Variants in RAB36 observed in about 807,000 individuals in gnomAD.
RAB36 encodes the protein ras-related protein Rab-36.
In RAB36, 33 loss-of-function variants were observed where a neutral mutation model predicts 39.3. That is an observed-to-expected ratio of 0.84 (90% CI 0.64 to 1.12). The LOEUF is 1.12. Ranked by LOEUF, RAB36 falls within the 50% of genes most tolerant of loss-of-function variation. The pLI is 0.00. For synonymous variants in RAB36, 133 were observed against 140.2 expected (o/e 0.95, Z 0.36); for missense variants, 308 against 355.3 (o/e 0.87, Z 1.07).
In RAB36 at chr22:23,158,002, G is replaced by A. The variant is rs746285793; in HGVS notation, c.405G>A (p.Thr135=). Residue 135 remains threonine (T), a synonymous_variant, in exon 7 of 11, where the codon ACG becomes ACA. Transcript: ENST00000263116. ...AYYRGAQVII[T]AFDLTDVQTL... ...TTTCCGGGTGTCTAGTGATCATCAC[G>A]GCCTTTGACCTCACTGACGTGCAGA... 33 of 1,614,032 alleles carry A rather than the reference G, an allele frequency of 2.0e-5. No homozygotes were observed. Among genetic ancestry groups the A allele is most frequent in the Middle Eastern group, 1.6e-4 (1 of 6,084 alleles).
At chr22:23,145,842 G>A (rs992547153) in intron 1 of RAB36, 6 of 400,012 alleles carry the variant, frequency 1.5e-5, no homozygotes, top group Non-Finnish European at 2.0e-5. Flanking sequence ...AGACAGAGGG[G>A]CTGTTGAGGA....
In RAB36 at chr22:23,158,824, C is replaced by G. The variant is rs1010392935; in HGVS notation, c.447-74C>G. The G allele has an allele frequency of 1.3e-5, 18 of 1,360,098 alleles. No individual in the cohort carries two copies. In the African/African-American group the frequency reaches 2.3e-4, roughly 17 times the overall value. 84.3% of individuals were successfully genotyped at this position (1,360,098 alleles called of 1,614,324 possible). A position where few individuals can be genotyped will look rare whatever the true frequency, so the allele number is the denominator to read the frequency against. ...CCAGCACTTCAGCCCTGGGGAGGTC[C>G]CAAGTGTGCCCTCTGCCCCCTGTTT... is the stretch of plus-strand genomic sequence containing the variant. On this transcript the variant is annotated intron_variant, in intron 7 of 10. Coordinates refer to ENST00000263116, the MANE Select transcript of RAB36 (RefSeq NM_004914.5).
chr22:23,153,605 C>T, intron 5 of RAB36: 1 of 985,130 alleles, frequency 1.0e-6, no homozygotes, highest in Non-Finnish European at 1.2e-6. Flanking sequence ...GCACCCACAT[C>T]CTTCCTCAGG....
At chr22:23,146,777 G>C (rs2070803061) in intron 2 of RAB36, 92 bp downstream of exon 2, 1 of 1,516,134 alleles carries the variant, frequency 6.6e-7, no homozygotes, top group Non-Finnish European at 8.9e-7. Context: ...TAAAGCAGGT[G>C]AATCAAGGAG....
chr22:23,161,380 C>T (rs1297890933), intron 10 of RAB36, 120 bp from the exon 11 acceptor site: 5 of 951,570 alleles, frequency 5.3e-6, no homozygotes, highest in Non-Finnish European at 4.9e-6. Context: ...CCATTCAGGC[C>T]TTGAACAGCA....
intron 3 of RAB36, 89 bp downstream of exon 3, chr22:23,150,243 C>A: frequency 9.5e-7 from 1 of 1,051,752 alleles, no homozygotes; most frequent in Non-Finnish European, 1.4e-6. Context: ...ATGAAACACA[C>A]ACACGAGGCT....
rs144444349 is a variant in RAB36 at position 23,146,656 on chromosome 22, C to A, written c.40C>A (p.Arg14Ser). The A allele has an allele frequency of 6.2e-7, 1 of 1,613,936 alleles. No individual in the cohort carries two copies. The highest frequency in any genetic ancestry group is 1.3e-5 in the African/African-American group (1 of 74,904). Reference protein sequence around the residue: ...SLTPLGPPVSRDRVIASFPKW... With the variant: ...SLTPLGPPVSSDRVIASFPKW... ...GACACCTTTGGGGCCCCCTGTGAGC[C>A]GCGACCGTGTCATCGCCAGCTTCCC... The change falls in exon 2 of 11, where the codon CGC (arginine) becomes AGC (serine). Residue 14 changes from arginine (R) to serine (S), a missense_variant. Transcript: ENST00000263116.
In RAB36 at chr22:23,155,741, C is replaced by T. The variant is rs1416561759; in HGVS notation, c.330-227C>T. Among the ~76,000 whole-genome samples the T allele has an allele frequency of 2.6e-5, 4 of 152,360 alleles. No individual in the cohort carries two copies. In the East Asian group the frequency reaches 7.7e-4, roughly 29 times the overall value. On this transcript the variant is annotated intron_variant, in intron 5 of 10. Coordinates refer to ENST00000263116, the MANE Select transcript of RAB36 (RefSeq NM_004914.5). ...AGGCAGCAGAACAACTAATGCCACA[C>T]ACCCCCATCCACTAGGAATGAGAGA... is the stretch of plus-strand genomic sequence containing the variant.
intron 6 of RAB36, 75 bp from the exon 7 acceptor site, chr22:23,157,917 T>C: frequency 3.1e-6 from 5 of 1,602,812 alleles, no homozygotes; most frequent in Non-Finnish European, 4.3e-6. Flanking sequence ...CCTTGGGAGC[T>C]GGGCACCTCC....
chr22:23,145,541 A>T lies in RAB36; in HGVS notation c.-23A>T. The stretch of plus-strand genomic sequence containing the variant: ...GGCCGCGCGGAGCCCCAGCTTTCAC[A>T]GCCATCGCTGGTGAGTCAGCTCGCC... On this transcript the variant is annotated 5_prime_UTR_variant, in exon 1 of 11. Coordinates refer to ENST00000263116, the MANE Select transcript of RAB36 (RefSeq NM_004914.5). 6.2e-7 allele frequency: 1 copy of T among 1,601,530 alleles called. No homozygotes were observed. The highest frequency in any genetic ancestry group is 8.5e-7 in the Non-Finnish European group (1 of 1,179,132).
chr22:23,166,147 TAAAAAAAA>T (rs695297), downstream of RAB36, among the ~76,000 whole-genome samples: 398 of 59,884 alleles, frequency 6.6e-3, 3 homozygotes, highest in South Asian at 0.021. Flanking sequence ...CTCTGTCTTT[TAAAAAAAA>T]AAAAAAAAAA....
intron 1 of RAB36, chr22:23,145,968 AGGAGACCC>A (rs1365298683): frequency 1.0e-6 from 1 of 985,138 alleles, no homozygotes; most frequent in African/African-American, 1.7e-5. Context: ...GACTGGGAGC[AGGAGACCC>A]CTCCCCACTC....
chr22:23,159,119 C>T (rs1208137948), intron 8 of RAB36, 44 bp from the exon 9 acceptor site: 1 of 1,602,450 alleles, frequency 6.2e-7, no homozygotes, highest in Non-Finnish European at 8.5e-7. Flanking sequence ...GGCCTCCCTG[C>T]AGGAGAGCCG....
chr22:23,161,409 C>G (rs111805573), intron 10 of RAB36, 91 bp from the exon 11 acceptor site: 2 of 1,182,478 alleles, frequency 1.7e-6, no homozygotes. Context: ...AGCTTCAGCT[C>G]ACAGCTCTGA....
At chr22:23,150,293 C>CTT in intron 3 of RAB36, 139 bp downstream of exon 3, 6 of 496,530 alleles carry the variant, frequency 1.2e-5, no homozygotes, top group East Asian at 3.6e-5. Flanking sequence ...CTGGGGTTTT[C>CTT]TTTTTTTTTT....
downstream of RAB36, among the ~76,000 whole-genome samples, chr22:23,166,147 TAAAAAAAAAAAAAAAAA>T (rs695297): frequency 8.3e-5 from 5 of 59,888 alleles, no homozygotes; most frequent in South Asian, 9.8e-4. Context: ...CTCTGTCTTT[TAAAAAAAAAAAAAAAAA>T]AAAAAAAAAA....
chr22:23,163,606 G>GCCCCCCCCCCCCCCC lies in RAB36; in HGVS notation c.*2052_*2053insCCCCCCCCCCCCCCC, dbSNP rs71744650. 28 of 125,214 alleles carry GCCCCCCCCCCCCCCC rather than the reference G, an allele frequency of 2.2e-4. 2 individuals are homozygous for GCCCCCCCCCCCCCCC. The highest frequency in any genetic ancestry group is 2.9e-4 in the Non-Finnish European group (16 of 55,722). The allele number at this position is 125,214 out of a possible 1,614,324, so 7.8% of individuals were successfully genotyped here. On this transcript the variant is annotated 3_prime_UTR_variant, in exon 11 of 11. Transcript: ENST00000263116. ...AAAGCATATAAAATACAAGGTGAAAGCCCCCCCCCCGCCACATTAGCTGCG... is the reference window on the plus strand; with the variant it reads ...AAAGCATATAAAATACAAGGTGAAAGCCCCCCCCCCCCCCCCCCCCCCCCCGCCACATTAGCTGCG...
chr22:23,160,750 T>C, intron 9 of RAB36, 129 bp from the exon 10 acceptor site: 6 of 1,300,172 alleles, frequency 4.6e-6, no homozygotes, highest in Non-Finnish European at 6.4e-6. Flanking sequence ...GGGTCATTGT[T>C]ACTGTCAGGG....
At position 23,159,169 on chromosome 22, in the gene RAB36, G is replaced by C; in HGVS notation, c.535G>C (p.Ala179Pro). 1 of 1,611,314 alleles carries C rather than the reference G, an allele frequency of 6.2e-7. No individual in the cohort carries two copies. Among genetic ancestry groups the C allele is most frequent in the Non-Finnish European group, 8.5e-7 (1 of 1,179,112 alleles). The change falls in exon 9 of 11, where the codon GCC (alanine) becomes CCC (proline). Residue 179 changes from alanine (A) to proline (P), a missense_variant. Transcript: ENST00000263116. ...CAAGGGCCATTTCTCCCAGTCAGGGGCCGCATGTGAGCAGGCCGAAGCAGA... is the reference window on the plus strand; with the variant it reads ...CAAGGGCCATTTCTCCCAGTCAGGGCCCGCATGTGAGCAGGCCGAAGCAGA... ...VGTKKDLLSGAACEQAEADAV... is the reference protein window; with the variant it reads ...VGTKKDLLSGPACEQAEADAV...
Sources: allele counts gnomAD v4.1 joint callset (sites outside exome capture counted in the v4.1 genomes callset), GRCh38; gene constraint gnomAD v4.1.1; transcripts MANE v1.5; gene names NCBI Gene and HGNC (gene_info 2026-07-23, HGNC 2026-07-21).